ZNF618: variants seen among roughly 807,000 people sequenced by gnomAD.
ZNF618 encodes zinc finger protein 618, also known as neural precursor cell expressed, developmentally down-regulated 10.
In ZNF618, 34 loss-of-function variants were observed where a neutral mutation model predicts 103.0. The observed-to-expected ratio is 0.33, with a 90% CI of 0.25 to 0.44. The LOEUF is 0.44. Ranked by LOEUF, ZNF618 falls within the 20% of genes least tolerant of loss-of-function variation. The pLI is 1.00. For synonymous variants in ZNF618, 551 were observed against 542.2 expected (o/e 1.02, Z -0.23); for missense variants, 1,059 against 1,295.4 (o/e 0.82, Z 2.80).
At chr9:113,969,212 A>C (rs998012247) in intron 2 of ZNF618, 52 bp downstream of exon 2, 86 of 1,607,362 alleles carry the variant, frequency 5.4e-5, no homozygotes, top group Middle Eastern at 5.0e-4. Flanking sequence ...TCAGGTCTTC[A>C]TGACTAACAG....
At chr9:114,041,204 G>T (rs1456017482) in intron 13 of ZNF618, among the ~76,000 whole-genome samples, 17 of 152,048 alleles carry the variant, frequency 1.1e-4, no homozygotes, top group Non-Finnish European at 2.1e-4. Context: ...GTTTGTTTGA[G>T]TTCTTTGTAG....
At chr9:114,026,341 T>C (rs962436421) in intron 10 of ZNF618, among the ~76,000 whole-genome samples, 4 of 152,316 alleles carry the variant, frequency 2.6e-5, no homozygotes, top group Admixed American at 6.5e-5. Context: ...AGGCCTATGA[T>C]ACCATGTGCT....
intron 1 of ZNF618, among the ~76,000 whole-genome samples, chr9:113,936,320 C>G (rs1043482385): frequency 1.3e-5 from 2 of 152,348 alleles, no homozygotes; most frequent in Non-Finnish European, 2.9e-5. Context: ...AAGCTACTCC[C>G]TGATGGTGGT....
At chr9:113,922,429 T>G (rs941492309) in intron 1 of ZNF618, among the ~76,000 whole-genome samples, 2 of 151,170 alleles carry the variant, frequency 1.3e-5, no homozygotes, top group Non-Finnish European at 2.9e-5. Context: ...TCCTAAGTTA[T>G]GTACACTGGC....
chr9:114,032,421 C>T (rs374519459), intron 11 of ZNF618, among the ~76,000 whole-genome samples: 25 of 152,236 alleles, frequency 1.6e-4, no homozygotes, highest in Admixed American at 1.1e-3. Flanking sequence ...CCCCGGCCCC[C>T]GTGCCTGGGC....
At chr9:114,019,735 A>G (rs904063084) in intron 10 of ZNF618, among the ~76,000 whole-genome samples, 7 of 152,164 alleles carry the variant, frequency 4.6e-5, no homozygotes, top group Non-Finnish European at 1.0e-4. Context: ...TCTATATTCC[A>G]GTAGGCCTGG....
At chr9:114,028,626 T>A in intron 10 of ZNF618, 107 bp from the exon 11 acceptor site, 4 of 1,402,888 alleles carry the variant, frequency 2.9e-6, no homozygotes, top group African/African-American at 1.4e-5. Flanking sequence ...CAAGAAGAGG[T>A]TGGACAGAGA....
chr9:113,997,294 G>A lies in ZNF618; in HGVS notation c.338-965G>A, dbSNP rs568481567. 2.6e-5 allele frequency among the ~76,000 whole-genome samples: 4 copies of A among 152,008 alleles called. No homozygotes were observed. In the South Asian group the frequency reaches 8.3e-4, roughly 32 times the overall value. ...AGCTAATTTTTGTGTTTTCTGTAGAGATGGGGGTCTTGCTGTGTTGCCCAG... is the reference window on the plus strand; with the variant it reads ...AGCTAATTTTTGTGTTTTCTGTAGAAATGGGGGTCTTGCTGTGTTGCCCAG... On this transcript the variant is annotated intron_variant, in intron 3 of 14. Coordinates refer to ENST00000374126, the MANE Select transcript of ZNF618 (RefSeq NM_001318042.2).
intron 1 of ZNF618, among the ~76,000 whole-genome samples, chr9:113,889,347 T>TCTCTCTC (rs1477289947): frequency 3.5e-4 from 36 of 104,192 alleles, no homozygotes; most frequent in Admixed American, 1.5e-3. Context: ...CTCTCTCTCT[T>TCTCTCTC]TCTCTCCCTC....
chr9:114,032,885 C>T (rs936363262), intron 12 of ZNF618, among the ~76,000 whole-genome samples, 157 bp downstream of exon 12: 1 of 152,150 alleles, frequency 6.6e-6, no homozygotes, highest in Admixed American at 6.5e-5. Context: ...AGGGAGACCA[C>T]AGAGGCAGGA....
At chr9:113,943,871 G>T (rs1834765792) in intron 1 of ZNF618, among the ~76,000 whole-genome samples, 1 of 152,166 alleles carries the variant, frequency 6.6e-6, no homozygotes, top group Admixed American at 6.5e-5. Context: ...GAAACAGAGT[G>T]CAGGTGACTT....
intron 1 of ZNF618, among the ~76,000 whole-genome samples, chr9:113,966,544 A>G (rs1378204205): frequency 6.6e-6 from 1 of 152,192 alleles, no homozygotes; most frequent in African/African-American, 2.4e-5. Context: ...ATTTGTAAGG[A>G]CAGACCACAC....
chr9:113,919,055 T>C (rs1832389365), intron 1 of ZNF618, among the ~76,000 whole-genome samples: 1 of 152,148 alleles, frequency 6.6e-6, no homozygotes. Flanking sequence ...CTTTCCCTCA[T>C]CTCCTCACGT....
chr9:113,900,656 C>G (rs918088413), intron 1 of ZNF618, among the ~76,000 whole-genome samples: 1 of 148,556 alleles, frequency 6.7e-6, no homozygotes, highest in Non-Finnish European at 1.5e-5. Flanking sequence ...GCTCCCGTCT[C>G]CTAGCACCGT....
chr9:113,956,008 G>A (rs953973649), intron 1 of ZNF618, among the ~76,000 whole-genome samples: 25 of 151,872 alleles, frequency 1.6e-4, no homozygotes, highest in Middle Eastern at 6.8e-3. Flanking sequence ...TCAGTAGTTC[G>A]AGACCAACCT....
At chr9:113,965,719 A>C (rs1307006488) in intron 1 of ZNF618, among the ~76,000 whole-genome samples, 1 of 152,172 alleles carries the variant, frequency 6.6e-6, no homozygotes, top group African/African-American at 2.4e-5. Context: ...AGCTTGTCTG[A>C]GGTTCAAAAT....
chr9:114,038,826 G>A (rs962464642), intron 13 of ZNF618, among the ~76,000 whole-genome samples: 12 of 152,170 alleles, frequency 7.9e-5, no homozygotes, highest in Non-Finnish European at 1.2e-4. Context: ...TGATGAAACC[G>A]AGGCTCAGAG....
intron 1 of ZNF618, among the ~76,000 whole-genome samples, chr9:113,957,471 G>A (rs1157620230): frequency 1.3e-5 from 2 of 152,324 alleles, no homozygotes; most frequent in African/African-American, 4.8e-5. Flanking sequence ...TCATTGAACA[G>A]ATGGGTAGTC....
chr9:113,882,630 C>T (rs1015325625), intron 1 of ZNF618, among the ~76,000 whole-genome samples: 1 of 152,202 alleles, frequency 6.6e-6, no homozygotes, highest in Non-Finnish European at 1.5e-5. Context: ...ATCCATGAGA[C>T]TTTCTTGTTA....
Sources: allele counts gnomAD v4.1 joint callset (sites outside exome capture counted in the v4.1 genomes callset), GRCh38; gene constraint gnomAD v4.1.1; transcripts MANE v1.5; gene names NCBI Gene and HGNC (gene_info 2026-07-23, HGNC 2026-07-21).